ARHGAP10: variants seen among roughly 807,000 people sequenced by gnomAD.
ARHGAP10 encodes the protein rho GTPase-activating protein 10.
In ARHGAP10, 87 loss-of-function variants were observed where a neutral mutation model predicts 108.6. That is an observed-to-expected ratio of 0.80 (90% confidence interval 0.67 to 0.96). The LOEUF (loss-of-function observed/expected upper bound fraction) is 0.96. Among genes scored for constraint, ARHGAP10 ranks in the 40% least tolerant of loss-of-function variants. ARHGAP10 has a pLI of 0.00. For missense variants in ARHGAP10, 939 were observed against 954.5 expected (o/e 0.98, Z 0.21); for synonymous variants, 347 against 341.1 (o/e 1.02, Z -0.19).
Position 148,004,865 on chromosome 4 carries a change from T to C in ARHGAP10, c.1717-18398T>C, listed in dbSNP as rs142437660. On this transcript the variant is annotated intron_variant, in intron 18 of 22. Transcript: ENST00000336498. The stretch of plus-strand genomic sequence containing the variant: ...GGACCCATGGGAACTTTGAGATCAT[T>C]GATAGCTTTCTTATTTAAAGCATGA... 3.5e-3 allele frequency among the ~76,000 whole-genome samples: 531 copies of C among 152,314 alleles called. 3 individuals are homozygous for C. Among genetic ancestry groups the C allele is most frequent in the African/African-American group, 0.012 (511 of 41,566 alleles).
At chr4:147,865,049 A>C in intron 6 of ARHGAP10, 93 bp downstream of exon 6, 2 of 1,079,492 alleles carry the variant, frequency 1.9e-6, no homozygotes, top group Non-Finnish European at 2.7e-6. Flanking sequence ...TAGTTACTAG[A>C]GGCCATAGTG....
intron 18 of ARHGAP10, among the ~76,000 whole-genome samples, chr4:147,968,236 G>C (rs770131328): frequency 6.6e-6 from 1 of 152,186 alleles, no homozygotes; most frequent in Admixed American, 6.5e-5. Context: ...GGACCACCTT[G>C]AGGGCCTGCC....
intron 4 of ARHGAP10, among the ~76,000 whole-genome samples, chr4:147,856,126 GTT>G (rs1018583930): frequency 6.6e-6 from 1 of 152,192 alleles, no homozygotes; most frequent in African/African-American, 2.4e-5. Flanking sequence ...ACTCAAGAAT[GTT>G]TATTAAAAAT....
intron 1 of ARHGAP10, among the ~76,000 whole-genome samples, chr4:147,821,230 GCA>G (rs139483950): frequency 0.017 from 2,584 of 152,278 alleles, 80 homozygotes; most frequent in African/African-American, 0.058. Flanking sequence ...CTCTGAATTG[GCA>G]CAGTGTCACT....
At chr4:147,946,806 C>A in intron 15 of ARHGAP10, 102 bp downstream of exon 15, 2 of 953,556 alleles carry the variant, frequency 2.1e-6, no homozygotes, top group Middle Eastern at 2.3e-4. Flanking sequence ...TAAATTAAGC[C>A]TTATTTTAAA....
intron 18 of ARHGAP10, among the ~76,000 whole-genome samples, chr4:147,987,523 A>G (rs749665551): frequency 1.3e-5 from 2 of 152,188 alleles, no homozygotes; most frequent in Non-Finnish European, 2.9e-5. Context: ...AGAACTGCTC[A>G]CTGTGGACAT....
chr4:147,776,856 A>G (rs942457848), intron 1 of ARHGAP10, among the ~76,000 whole-genome samples: 1 of 152,204 alleles, frequency 6.6e-6, no homozygotes, highest in Admixed American at 6.5e-5. Flanking sequence ...GTTCGTCCAG[A>G]TGCTGTGAAG....
chr4:147,994,619 A>G (rs1444725247), intron 18 of ARHGAP10, among the ~76,000 whole-genome samples: 4 of 152,218 alleles, frequency 2.6e-5, no homozygotes, highest in South Asian at 2.1e-4. Flanking sequence ...GTTATTCTCA[A>G]TATCCATCTC....
At chr4:147,756,130 C>CAAA (rs11355244) in intron 1 of ARHGAP10, among the ~76,000 whole-genome samples, 5 of 96,194 alleles carry the variant, frequency 5.2e-5, no homozygotes, top group African/African-American at 2.2e-4. Flanking sequence ...TACTAGGAGG[C>CAAA]AAAAAAAAAA....
chr4:148,025,213 TA>T (rs1741719596), intron 19 of ARHGAP10, among the ~76,000 whole-genome samples: 1 of 152,230 alleles, frequency 6.6e-6, no homozygotes, highest in Non-Finnish European at 1.5e-5. Flanking sequence ...AATAATTCGT[TA>T]AAATTACTTG....
intron 13 of ARHGAP10, chr4:147,917,256 C>G (rs1215362965): frequency 1.3e-5 from 2 of 152,202 alleles, no homozygotes; most frequent in Non-Finnish European, 2.9e-5. Context: ...CAATGAACCT[C>G]CCCCATCAGG....
Position 147,955,797 on chromosome 4 carries a change from A to G in ARHGAP10, c.1450+423A>G, listed in dbSNP as rs531688980. On this transcript the variant is annotated intron_variant, in intron 16 of 22. Coordinates refer to ENST00000336498, the MANE Select transcript of ARHGAP10 (RefSeq NM_024605.4). The stretch of plus-strand genomic sequence containing the variant: ...ATTAGTAGTTTGGAGGTGGCTTCAC[A>G]TAGACAGATACTCGGATCTAAATTA... Among the ~76,000 whole-genome samples, 276 of 152,304 alleles carry G rather than the reference A, an allele frequency of 1.8e-3. 1 individual carries two copies. The highest frequency in any genetic ancestry group is 5.9e-3 in the African/African-American group (247 of 41,586).
At chr4:147,734,703 C>T (rs1473069363) in intron 1 of ARHGAP10, among the ~76,000 whole-genome samples, 3 of 152,132 alleles carry the variant, frequency 2.0e-5, no homozygotes, top group South Asian at 4.1e-4. Context: ...CCCTGTCTAC[C>T]TCTTAGGGGA....
intron 1 of ARHGAP10, among the ~76,000 whole-genome samples, chr4:147,780,985 G>T (rs1010719967): frequency 6.6e-6 from 1 of 152,082 alleles, no homozygotes; most frequent in Admixed American, 6.5e-5. Flanking sequence ...GAGAGAAGAC[G>T]CAAGGGCTCA....
intron 15 of ARHGAP10, among the ~76,000 whole-genome samples, chr4:147,947,460 T>G (rs1413857491): frequency 6.6e-6 from 1 of 151,866 alleles, no homozygotes. Flanking sequence ...TGGAGTGCAG[T>G]GGCACGATCT....
At chr4:147,874,978 T>C in intron 7 of ARHGAP10, 43 bp from the exon 8 acceptor site, 1 of 1,505,376 alleles carries the variant, frequency 6.6e-7, no homozygotes. Context: ...AGAAAACTCA[T>C]ATGAGAACTT....
At chr4:147,992,738 A>G (rs916561680) in intron 18 of ARHGAP10, among the ~76,000 whole-genome samples, 1 of 152,088 alleles carries the variant, frequency 6.6e-6, no homozygotes, top group East Asian at 1.9e-4. Context: ...GTTTAAAACA[A>G]TTTCTAGACT....
intron 3 of ARHGAP10, among the ~76,000 whole-genome samples, chr4:147,826,978 T>C (rs1187442102): frequency 7.9e-5 from 12 of 152,180 alleles, no homozygotes; most frequent in Admixed American, 7.9e-4. Flanking sequence ...TTTCAATCTA[T>C]AGGTTCTTCT....
At chr4:147,784,788 AATAT>A (rs1196241080) in intron 1 of ARHGAP10, among the ~76,000 whole-genome samples, 1 of 40,056 alleles carries the variant, frequency 2.5e-5, no homozygotes, top group African/African-American at 5.4e-5. Flanking sequence ...TATATTATAA[AATAT>A]ATATTATAAA....
Sources: gnomAD v4.1 joint callset for allele counts (sites outside exome capture counted in the v4.1 genomes callset) on GRCh38, gnomAD v4.1.1 for gene constraint, MANE v1.5 for transcripts, NCBI Gene and HGNC (gene_info 2026-07-23, HGNC 2026-07-21) for gene names.